FBN1: variants seen among roughly 807,000 people sequenced by gnomAD.
The protein encoded by FBN1 is fibrillin-1.
In FBN1, 29 loss-of-function variants were observed where a neutral mutation model predicts 365.1. That is an observed-to-expected ratio of 0.08 (90% CI 0.06 to 0.11). The LOEUF (loss-of-function observed/expected upper bound fraction) is 0.11, where lower values mean the gene tolerates loss of function less well. Among genes scored for constraint, FBN1 ranks in the 10% least tolerant of loss-of-function variants. The probability of loss-of-function intolerance (pLI) is 1.00; values close to 1 mark genes in which losing one functional copy is unlikely to be tolerated. For missense variants in FBN1, 2,476 were observed against 3,703.2 expected (o/e 0.67, Z 8.60); for synonymous variants, 1,210 against 1,270.5 (o/e 0.95, Z 1.01).
intron 6 of FBN1, among the ~76,000 whole-genome samples, chr15:48,585,965 C>G (rs1226442373): frequency 6.6e-6 from 1 of 152,040 alleles, no homozygotes; most frequent in African/African-American, 2.4e-5. Flanking sequence ...AGCCATGAAA[C>G]AGAATTCTAG....
rs758967374 is a variant in FBN1 at position 48,496,266 on chromosome 15, A to G, written c.2294-41T>C. On this transcript the variant is annotated intron_variant, in intron 19 of 65. Transcript: ENST00000316623. ...AAATAAACACTTAAAAAGGGCCCAA[A>G]CTTTGCCTGTATCTACTTTGCTCTT... The G allele has an allele frequency of 3.7e-6, 6 of 1,611,950 alleles. No homozygotes were observed. In the East Asian group the frequency reaches 1.3e-4, roughly 36 times the overall value.
At chr15:48,635,532 T>TA (rs1177225831) in intron 2 of FBN1, among the ~76,000 whole-genome samples, 1 of 152,230 alleles carries the variant, frequency 6.6e-6, no homozygotes, top group African/African-American at 2.4e-5. Context: ...ACCCCTAATT[T>TA]AAAAAATTGA....
intron 2 of FBN1, among the ~76,000 whole-genome samples, chr15:48,622,065 TAAC>T (rs1889780699): frequency 6.6e-6 from 1 of 152,208 alleles, no homozygotes; most frequent in African/African-American, 2.4e-5. Context: ...TATGAGATGC[TAAC>T]AACAGAGTAA....
At chr15:48,514,372 A>G (rs991971489) in intron 12 of FBN1, among the ~76,000 whole-genome samples, 4 of 152,170 alleles carry the variant, frequency 2.6e-5, no homozygotes, top group African/African-American at 9.7e-5. Flanking sequence ...TCCCACTTCT[A>G]CTCAGCTCTG....
chr15:48,627,396 A>G (rs1307164095), intron 2 of FBN1, among the ~76,000 whole-genome samples: 2 of 152,232 alleles, frequency 1.3e-5, no homozygotes, highest in African/African-American at 4.8e-5. Context: ...AGCTCTTAAC[A>G]TGCTCAACGT....
At chr15:48,525,579 G>T (rs1370249707) in intron 9 of FBN1, among the ~76,000 whole-genome samples, 1 of 152,148 alleles carries the variant, frequency 6.6e-6, no homozygotes, top group Non-Finnish European at 1.5e-5. Flanking sequence ...GCCCTGGAGG[G>T]CTTTGAAACA....
intron 35 of FBN1, among the ~76,000 whole-genome samples, 170 bp downstream of exon 35, chr15:48,472,381 A>T (rs2141277584): frequency 6.6e-6 from 1 of 152,240 alleles, no homozygotes; most frequent in East Asian, 1.9e-4. Flanking sequence ...CAGCAAGAGA[A>T]ATGGTCAGCT....
chr15:48,432,130 T>C (rs1250757217), intron 55 of FBN1, among the ~76,000 whole-genome samples: 2 of 152,210 alleles, frequency 1.3e-5, no homozygotes, highest in Non-Finnish European at 2.9e-5. Flanking sequence ...TTGTACTTCT[T>C]TATTTTTCTA....
At chr15:48,596,971 G>A (rs780818202) in intron 5 of FBN1, among the ~76,000 whole-genome samples, 1 of 152,184 alleles carries the variant, frequency 6.6e-6, no homozygotes, top group Non-Finnish European at 1.5e-5. Context: ...ATTAAAATAA[G>A]AATTGAAAGT....
At chr15:48,525,941 C>T (rs947189528) in intron 9 of FBN1, among the ~76,000 whole-genome samples, 189 bp downstream of exon 9, 2 of 152,170 alleles carry the variant, frequency 1.3e-5, no homozygotes, top group South Asian at 2.1e-4. Context: ...GGAGGCAAAA[C>T]GTCTCCAAAA....
chr15:48,644,905 C>G lies in FBN1; in HGVS notation c.-136G>C, dbSNP rs879283668. 2.9e-4 allele frequency: 233 copies of G among 816,812 alleles called. No individual in the cohort carries two copies. The highest frequency in any genetic ancestry group is 3.5e-4 in the Non-Finnish European group (213 of 611,096). 50.6% of individuals were successfully genotyped at this position (816,812 alleles called of 1,614,324 possible). ...CGCCCGTCCCCCGGGCCGGGCTCCT[C>G]CCGCCTTCTCCAGGCGCTGCTCCCA... On this transcript the variant is annotated 5_prime_UTR_variant, in exon 2 of 66. Coordinates refer to ENST00000316623, the MANE Select transcript of FBN1 (RefSeq NM_000138.5).
chr15:48,410,815 G>C lies in FBN1; in HGVS notation c.*175C>G. The C allele has an allele frequency of 1.6e-6, 1 of 638,728 alleles. No homozygotes were observed. Among genetic ancestry groups the C allele is most frequent in the Non-Finnish European group, 2.7e-6 (1 of 376,276 alleles). The allele number at this position is 638,728 out of a possible 1,614,324, so 39.6% of individuals were successfully genotyped here. On this transcript the variant is annotated 3_prime_UTR_variant, in exon 66 of 66. Coordinates refer to ENST00000316623, the MANE Select transcript of FBN1 (RefSeq NM_000138.5). ...AGAAGCCTGAGAAAGTGGTTGTTTTGAACTAGGGTAGTCACCTGTACCTTG... is the reference window on the plus strand; with the variant it reads ...AGAAGCCTGAGAAAGTGGTTGTTTTCAACTAGGGTAGTCACCTGTACCTTG...
At chr15:48,447,323 T>C (rs1433161370) in intron 46 of FBN1, among the ~76,000 whole-genome samples, 1 of 152,014 alleles carries the variant, frequency 6.6e-6, no homozygotes, top group Non-Finnish European at 1.5e-5. Context: ...CAGACAACTT[T>C]TCCTTTTTCC....
At chr15:48,520,941 C>A in intron 9 of FBN1, 124 bp from the exon 10 acceptor site, 2 of 1,318,136 alleles carry the variant, frequency 1.5e-6, no homozygotes, top group Non-Finnish European at 1.1e-6. Flanking sequence ...CACACCTCTG[C>A]CCCCCGGAAG....
intron 17 of FBN1, 24 bp downstream of exon 17, chr15:48,503,762 AG>A (rs2043683367): frequency 6.2e-7 from 1 of 1,612,948 alleles, no homozygotes. Flanking sequence ...TGGCAGTACG[AG>A]GGCATCTCCA....
Position 48,433,002 on chromosome 15 carries a change from G to C in FBN1, c.6617-14C>G. The C allele has an allele frequency of 6.2e-7, 1 of 1,612,882 alleles. No homozygotes were observed. The highest frequency in any genetic ancestry group is 8.5e-7 in the Non-Finnish European group (1 of 1,179,406). On this transcript the variant is annotated splice_polypyrimidine_tract_variant and intron_variant, in intron 54 of 65. Transcript: ENST00000316623. ...ATTCATTTATATCTGCAGCAGAGGA[G>C]AGTAAGTAAATAAGGGATCATGGAC... is the stretch of plus-strand genomic sequence containing the variant.
At chr15:48,462,067 A>G (rs1388949365) in intron 42 of FBN1, among the ~76,000 whole-genome samples, 1 of 152,198 alleles carries the variant, frequency 6.6e-6, no homozygotes, top group African/African-American at 2.4e-5. Flanking sequence ...TCTGGAGTAA[A>G]CAATGGATGG....
intron 45 of FBN1, among the ~76,000 whole-genome samples, chr15:48,450,705 C>G (rs1370531703): frequency 6.6e-6 from 1 of 152,168 alleles, no homozygotes; most frequent in Non-Finnish European, 1.5e-5. Flanking sequence ...TAATTATTCT[C>G]TCAGCTCTCT....
chr15:48,637,979 T>C (rs1203604710), intron 2 of FBN1, among the ~76,000 whole-genome samples: 1 of 151,736 alleles, frequency 6.6e-6, no homozygotes, highest in Non-Finnish European at 1.5e-5. Flanking sequence ...TTTGTTTCAA[T>C]AAAACTCTAT....
Sources: allele counts gnomAD v4.1 joint callset (sites outside exome capture counted in the v4.1 genomes callset), GRCh38; gene constraint gnomAD v4.1.1; transcripts MANE v1.5; gene names NCBI Gene and HGNC (gene_info 2026-07-23, HGNC 2026-07-21).